The following GIT2 variants were observed in gnomAD, a reference collection of about 807,000 sequenced individuals.
GIT2 encodes the protein ARF GTPase-activating protein GIT2.
Under a neutral mutation model 100.3 loss-of-function variants are expected in GIT2, and 32 were observed. That is an observed-to-expected ratio of 0.32 (90% CI 0.24 to 0.43). The LOEUF (loss-of-function observed/expected upper bound fraction) is 0.43, where lower values mean the gene tolerates loss of function less well. Among genes scored for constraint, GIT2 ranks in the 20% least tolerant of loss-of-function variants. The probability of loss-of-function intolerance (pLI) is 1.00; values close to 1 mark genes in which losing one functional copy is unlikely to be tolerated. For synonymous variants in GIT2, 353 were observed against 364.1 expected (o/e 0.97, Z 0.35); for missense variants, 737 against 975.1 (o/e 0.76, Z 3.25).
chr12:109,976,628 G>A (rs1366801044), intron 7 of GIT2, among the ~76,000 whole-genome samples: 8 of 143,020 alleles, frequency 5.6e-5, no homozygotes, highest in Non-Finnish European at 7.5e-5. Flanking sequence ...TCTCCCTGTC[G>A]CCCAGGCAGG....
chr12:109,959,760 G>T, intron 12 of GIT2, 87 bp downstream of exon 12: 1 of 774,802 alleles, frequency 1.3e-6, no homozygotes, highest in South Asian at 1.5e-5. Flanking sequence ...TCATGTTGAT[G>T]ACTGCTTTAA....
rs1219287655 is a variant in GIT2 at position 109,934,047 on chromosome 12, G to A, written c.2042C>T (p.Thr681Ile). 2 of 1,575,458 alleles carry A rather than the reference G, an allele frequency of 1.3e-6. No homozygotes were observed. Among genetic ancestry groups the A allele is most frequent in the South Asian group, 1.1e-5 (1 of 90,252 alleles). ...PCSERIHVAV[T>I]EMAALFPKKP... ...TTTGGGGAATAATGCTGCCATTTCT[G>A]TAACAGCTACGTGTATCCTCTCTGA... Residue 681 changes from threonine (T) to isoleucine (I), a missense_variant, in exon 19 of 20, where the codon ACA becomes ATA. Coordinates refer to ENST00000355312, the MANE Select transcript of GIT2 (RefSeq NM_057169.5). This position sits in a 1 kb window ranked among gnomAD's most constrained non-coding sequence, Gnocchi z 4.5.
At position 109,961,627 on chromosome 12, in the gene GIT2, C is replaced by A; in HGVS notation, c.875G>T (p.Arg292Leu). The A allele has an allele frequency of 6.2e-7, 1 of 1,603,484 alleles. No individual in the cohort carries two copies. Among genetic ancestry groups the A allele is most frequent in the South Asian group, 1.1e-5 (1 of 90,850 alleles). The change falls in exon 10 of 20, where the codon CGA becomes CTA. Residue 292 changes from arginine to leucine, a missense_variant. This residue lies in a region of GIT2 where 266 missense variants were observed against 376.2 expected (regional missense o/e 0.71). Transcript: ENST00000355312. ...AMDVYDEVDR[R>L]ETDAVWLATQ... ...CGTCAAGTCACCTGCATCCGTCTCT[C>A]GCCTGTCAACTTCATCGTACACATC...
At chr12:109,977,193 A>G (rs1885274155) in intron 7 of GIT2, among the ~76,000 whole-genome samples, 1 of 152,174 alleles carries the variant, frequency 6.6e-6, no homozygotes, top group Admixed American at 6.5e-5. Context: ...CTTTAAAAGT[A>G]TTGTTTCTAC....
intron 9 of GIT2, among the ~76,000 whole-genome samples, chr12:109,964,844 C>T (rs2136446311): frequency 6.6e-6 from 1 of 152,266 alleles, no homozygotes; most frequent in South Asian, 2.1e-4. Context: ...GGTGAGGCTT[C>T]ATGTGAGAGA....
At chr12:109,945,489 C>T (rs1876088271) in intron 15 of GIT2, 140 bp from the exon 16 acceptor site, 2 of 641,922 alleles carry the variant, frequency 3.1e-6, no homozygotes, top group East Asian at 5.5e-5. Context: ...CCACCAGTGA[C>T]AGGACCCCAG....
At position 109,948,917 on chromosome 12, in the gene GIT2, C is replaced by A; in HGVS notation, c.1393-1413G>T. ...CTTTATGTATATTAAAAACTTTACC[C>A]AACTTTGAAATATAATCAATACATC... On this transcript the variant is annotated intron_variant, in intron 14 of 19. Transcript: ENST00000355312. This position sits in a 1 kb window ranked among gnomAD's most constrained non-coding sequence, Gnocchi z 4.3. The A allele has an allele frequency of 1.9e-6, 2 of 1,056,156 alleles. No homozygotes were observed. The highest frequency in any genetic ancestry group is 2.8e-5 in the South Asian group (2 of 71,880). 65.4% of individuals were successfully genotyped at this position (1,056,156 alleles called of 1,614,324 possible). A position where few individuals can be genotyped will look rare whatever the true frequency, so the allele number is the denominator to read the frequency against.
rs773314431 is a variant in GIT2 at position 109,943,663 on chromosome 12, CT to C, written c.1731+1596del. On this transcript the variant is annotated intron_variant, in intron 16 of 19. Transcript: ENST00000355312. ...CTTTAAGTACAATGTATCAAGAATTCTTTTTTTTTTTTTTTAGTACAGTAAT... is the reference window on the plus strand; with the variant it reads ...CTTTAAGTACAATGTATCAAGAATTCTTTTTTTTTTTTTTAGTACAGTAAT... Among the ~76,000 whole-genome samples, 977 of 125,364 alleles carry C rather than the reference CT, an allele frequency of 7.8e-3. 1 individual carries two copies. The highest frequency in any genetic ancestry group is 7.9e-3 in the African/African-American group (271 of 34,472). 82.2% of individuals were successfully genotyped at this position (125,364 alleles called of 152,430 possible). A position where few individuals can be genotyped will look rare whatever the true frequency, so the allele number is the denominator to read the frequency against.
intron 14 of GIT2, chr12:109,950,617 T>C (rs1004597727): frequency 1.3e-5 from 2 of 152,846 alleles, no homozygotes; most frequent in Non-Finnish European, 2.9e-5. Flanking sequence ...TTTACCAGTG[T>C]GCAGCTCTTC....
At chr12:109,981,136 C>T (rs1458110006) in intron 6 of GIT2, 90 bp from the exon 7 acceptor site, 5 of 817,628 alleles carry the variant, frequency 6.1e-6, no homozygotes, top group Non-Finnish European at 1.1e-5. Flanking sequence ...GACACCTGAG[C>T]AGTTTATCAC....
At chr12:109,964,411 T>C (rs1348941662) in intron 9 of GIT2, among the ~76,000 whole-genome samples, 1 of 151,968 alleles carries the variant, frequency 6.6e-6, no homozygotes, top group African/African-American at 2.4e-5. Flanking sequence ...GGGTCTTCTG[T>C]GAAAACAGAA....
At chr12:109,997,204 CAAAAAAAAAAA>C (rs35732772), upstream of GIT2, among the ~76,000 whole-genome samples, 1 of 43,314 alleles carries the variant, frequency 2.3e-5, no homozygotes, top group Non-Finnish European at 4.8e-5. Context: ...GACTCCGTCT[CAAAAAAAAAAA>C]AAAAAAAAAA....
chr12:109,975,965 T>G (rs1284780551), intron 7 of GIT2, among the ~76,000 whole-genome samples: 1 of 151,842 alleles, frequency 6.6e-6, no homozygotes, highest in Non-Finnish European at 1.5e-5. Context: ...AGAGACAGGG[T>G]TTCACCATGT....
intron 12 of GIT2, among the ~76,000 whole-genome samples, chr12:109,956,688 C>T (rs1879570002): frequency 6.6e-6 from 1 of 152,054 alleles, no homozygotes; most frequent in Admixed American, 6.6e-5. Context: ...ATATGTTTTC[C>T]TTACAAAACT....
At chr12:109,977,318 C>T (rs1314079311) in intron 7 of GIT2, among the ~76,000 whole-genome samples, 1 of 152,136 alleles carries the variant, frequency 6.6e-6, no homozygotes, top group Non-Finnish European at 1.5e-5. Context: ...CAAGACCAGC[C>T]TGGGCAACAT....
intron 16 of GIT2, among the ~76,000 whole-genome samples, chr12:109,940,931 A>C (rs1874482244): frequency 6.6e-6 from 1 of 151,692 alleles, no homozygotes; most frequent in Non-Finnish European, 1.5e-5. Context: ...AAAAAAAAAA[A>C]ACCCCACAAA....
At chr12:109,953,280 T>C in intron 12 of GIT2, 46 bp from the exon 13 acceptor site, 2 of 1,594,352 alleles carry the variant, frequency 1.3e-6, no homozygotes, top group Non-Finnish European at 1.7e-6. Flanking sequence ...AAAACATTGC[T>C]TTTCTTCCAA....
In GIT2 at chr12:109,964,808, G is replaced by T. The variant is rs568330449; in HGVS notation, c.816+718C>A. Reference sequence around the variant, plus strand: ...GGGAACAGCTGAGGAGTATACTTTGGTGGTTAAAGTGGAGAGAAGTGCCCC... The same window carrying T: ...GGGAACAGCTGAGGAGTATACTTTGTTGGTTAAAGTGGAGAGAAGTGCCCC... On this transcript the variant is annotated intron_variant, in intron 9 of 19. Coordinates refer to ENST00000355312, the MANE Select transcript of GIT2 (RefSeq NM_057169.5). Among the ~76,000 whole-genome samples, 36 of 152,296 alleles carry T rather than the reference G, an allele frequency of 2.4e-4. 2 individuals are homozygous for T. The East Asian group carries it at 6.4e-3, about 27-fold the overall frequency.
chr12:109,939,682 A>AAAAT (rs59423792), intron 16 of GIT2: 32,126 of 140,080 alleles, frequency 0.23, 4,016 homozygotes, highest in Non-Finnish European at 0.28. Flanking sequence ...AAAAATAAAT[A>AAAAT]AAATAAATAA....
Sources: allele counts gnomAD v4.1 joint callset (sites outside exome capture counted in the v4.1 genomes callset), GRCh38; gene constraint gnomAD v4.1.1; regional missense constraint gnomAD v4.1.1; non-coding constraint Gnocchi (gnomAD v3.1); transcripts MANE v1.5; gene names NCBI Gene and HGNC (gene_info 2026-07-23, HGNC 2026-07-21).